The following ASIC2 variants were observed in gnomAD, a reference collection of about 807,000 sequenced individuals.
ASIC2 encodes acid-sensing ion channel 2.
A neutral mutation model predicts 57.3 loss-of-function variants in ASIC2; 25 were observed. That is an observed-to-expected ratio of 0.44 (90% CI 0.32 to 0.61). ASIC2 has a LOEUF of 0.61. Ranked by LOEUF, ASIC2 falls within the 20% of genes least tolerant of loss-of-function variation. The probability of loss-of-function intolerance (pLI) is 0.06; values close to 1 mark genes in which losing one functional copy is unlikely to be tolerated. For missense variants in ASIC2, 641 were observed against 738.1 expected (o/e 0.87, Z 1.52); for synonymous variants, 319 against 307.5 (o/e 1.04, Z -0.39).
intron 1 of ASIC2, among the ~76,000 whole-genome samples, chr17:33,669,593 C>T (rs1370443447): frequency 6.6e-6 from 1 of 152,202 alleles, no homozygotes; most frequent in Non-Finnish European, 1.5e-5. Flanking sequence ...AGCTACACCA[C>T]TGACCAGCTT....
At chr17:33,713,195 G>A (rs985832193) in intron 1 of ASIC2, among the ~76,000 whole-genome samples, 1 of 152,202 alleles carries the variant, frequency 6.6e-6, no homozygotes, top group African/African-American at 2.4e-5. Context: ...TGAATACCAG[G>A]AGGCTGGTTT....
chr17:33,827,606 A>G (rs1169335182), intron 1 of ASIC2: 1 of 151,558 alleles, frequency 6.6e-6, no homozygotes, highest in Non-Finnish European at 1.5e-5. Flanking sequence ...GGCCTCCCAA[A>G]GTGCTGGGAT....
chr17:34,060,509 C>T (rs1908932828), intron 1 of ASIC2, among the ~76,000 whole-genome samples: 1 of 148,832 alleles, frequency 6.7e-6, no homozygotes, highest in Admixed American at 6.6e-5. Flanking sequence ...CCTTGATTTA[C>T]GTGAAAAAGA....
At chr17:34,105,987 C>T (rs1046385748) in intron 1 of ASIC2, among the ~76,000 whole-genome samples, 5 of 151,896 alleles carry the variant, frequency 3.3e-5, no homozygotes. Flanking sequence ...CTTATAATGT[C>T]TTTTTCTCCT....
At chr17:33,995,679 C>T (rs908963636) in intron 1 of ASIC2, among the ~76,000 whole-genome samples, 1 of 151,698 alleles carries the variant, frequency 6.6e-6, no homozygotes, top group Non-Finnish European at 1.5e-5. Flanking sequence ...TGTGTATATA[C>T]ACACACACAA....
chr17:33,568,504 C>A (rs958605986), intron 1 of ASIC2, among the ~76,000 whole-genome samples: 1 of 151,696 alleles, frequency 6.6e-6, no homozygotes, highest in Non-Finnish European at 1.5e-5. Context: ...GTGTTCTTGT[C>A]CCTCTCATTG....
chr17:34,099,536 G>A (rs976087795), intron 1 of ASIC2, among the ~76,000 whole-genome samples: 1 of 131,498 alleles, frequency 7.6e-6, no homozygotes, highest in African/African-American at 3.1e-5. Context: ...AAGAAAGAAA[G>A]GAAAGAAAGA....
At chr17:33,993,088 C>A (rs1210790688) in intron 1 of ASIC2, among the ~76,000 whole-genome samples, 1 of 152,130 alleles carries the variant, frequency 6.6e-6, no homozygotes, top group Non-Finnish European at 1.5e-5. Context: ...AATCACTGAT[C>A]TAGAAAAGTT....
At chr17:33,162,160 T>C (rs1030152234) in intron 1 of ASIC2, among the ~76,000 whole-genome samples, 12 of 152,134 alleles carry the variant, frequency 7.9e-5, no homozygotes, top group East Asian at 5.8e-4. Context: ...CTCCAGTCTT[T>C]TGTGAGAGCT....
intron 1 of ASIC2, among the ~76,000 whole-genome samples, chr17:33,257,799 G>A (rs756343599): frequency 2.0e-5 from 3 of 152,244 alleles, no homozygotes; most frequent in Non-Finnish European, 4.4e-5. Context: ...GTCCCAAGAG[G>A]CAGGATAGGC....
intron 1 of ASIC2, among the ~76,000 whole-genome samples, chr17:33,723,594 G>A (rs1386253216): frequency 6.6e-6 from 1 of 152,210 alleles, no homozygotes; most frequent in African/African-American, 2.4e-5. Flanking sequence ...ATCCCAAAGT[G>A]CTGGGATTAC....
intron 1 of ASIC2, among the ~76,000 whole-genome samples, chr17:33,969,258 C>T (rs1695882843): frequency 6.6e-6 from 1 of 152,192 alleles, no homozygotes; most frequent in Non-Finnish European, 1.5e-5. Flanking sequence ...CTCAGTTTCC[C>T]CTTCTCTATA....
intron 1 of ASIC2, among the ~76,000 whole-genome samples, chr17:34,149,069 G>A (rs7218036): frequency 9.0e-4 from 136 of 151,624 alleles, no homozygotes; most frequent in African/African-American, 2.8e-3. Context: ...AATTAATGGC[G>A]ATTTTTCTTT....
At position 33,376,386 on chromosome 17, in the gene ASIC2, T is replaced by C. The variant is rs116278210; in HGVS notation, c.556-264319A>G. On this transcript the variant is annotated intron_variant, in intron 1 of 9. Transcript: ENST00000359872. ...TCTTTTTTTTTATTATACTTTAAGTTTTAGGGTACATGTGCACAACATGCA... is the reference window on the plus strand; with the variant it reads ...TCTTTTTTTTTATTATACTTTAAGTCTTAGGGTACATGTGCACAACATGCA... Among the ~76,000 whole-genome samples, 814 of 152,244 alleles carry C rather than the reference T, an allele frequency of 5.3e-3. 5 individuals are homozygous for C. Among genetic ancestry groups the C allele is most frequent in the African/African-American group, 0.019 (771 of 41,538 alleles).
intron 1 of ASIC2, among the ~76,000 whole-genome samples, chr17:33,574,478 G>A (rs1916554266): frequency 1.3e-5 from 2 of 152,170 alleles, no homozygotes; most frequent in South Asian, 4.1e-4. Flanking sequence ...TTTGGCAGGG[G>A]TTGCGTAGGG....
intron 1 of ASIC2, among the ~76,000 whole-genome samples, chr17:34,140,683 T>G (rs1366518402): frequency 1.3e-5 from 2 of 152,134 alleles, no homozygotes; most frequent in Non-Finnish European, 2.9e-5. Context: ...AATTTGAGTT[T>G]CAAAATAAAC....
intron 1 of ASIC2, among the ~76,000 whole-genome samples, chr17:33,658,235 G>C (rs1907137079): frequency 1.3e-5 from 2 of 152,222 alleles, no homozygotes; most frequent in Non-Finnish European, 2.9e-5. Context: ...ACCAGAGAGG[G>C]ACAGAGGCCC....
chr17:33,070,235 T>G (rs190930727), intron 3 of ASIC2, among the ~76,000 whole-genome samples: 33 of 152,242 alleles, frequency 2.2e-4, no homozygotes, highest in Non-Finnish European at 3.8e-4. Context: ...ATGTTGTTAT[T>G]ATTTAAGCAT....
chr17:33,189,379 C>A (rs1906325616), intron 1 of ASIC2, among the ~76,000 whole-genome samples: 1 of 152,160 alleles, frequency 6.6e-6, no homozygotes, highest in Admixed American at 6.5e-5. Context: ...GTTCATTAAT[C>A]TGAAAGAAGG....
Sources: allele counts gnomAD v4.1 joint callset (sites outside exome capture counted in the v4.1 genomes callset), GRCh38; gene constraint gnomAD v4.1.1; transcripts MANE v1.5; gene names NCBI Gene and HGNC (gene_info 2026-07-23, HGNC 2026-07-21).